Variants in ZC3HAV1 observed in about 807,000 individuals in gnomAD.
The protein encoded by ZC3HAV1 is zinc finger CCCH-type antiviral protein 1.
In ZC3HAV1, 41 loss-of-function variants were observed where a neutral mutation model predicts 86.6. The ratio of observed to expected loss-of-function variants is 0.47; its 90% CI spans 0.37 to 0.61. The LOEUF is 0.61. ZC3HAV1 is among the 20% of genes least tolerant of loss of function. The probability of loss-of-function intolerance (pLI) is 0.00; values close to 1 mark genes in which losing one functional copy is unlikely to be tolerated. For missense variants in ZC3HAV1, 964 were observed against 1,141.1 expected, an observed-to-expected ratio of 0.84 and a Z score of 2.24; for synonymous variants, 421 against 432.1, an observed-to-expected ratio of 0.97 and a Z score of 0.32.
intron 2 of ZC3HAV1, among the ~76,000 whole-genome samples, chr7:139,084,465 G>T (rs1817221063): frequency 6.6e-6 from 1 of 152,216 alleles, no homozygotes; most frequent in South Asian, 2.1e-4. Flanking sequence ...TCAAAAGATT[G>T]CCTAAAGAAG....
At chr7:139,081,051 T>A (rs1237344424) in intron 3 of ZC3HAV1, among the ~76,000 whole-genome samples, 1 of 152,128 alleles carries the variant, frequency 6.6e-6, no homozygotes, top group Middle Eastern at 3.2e-3. Context: ...TTGGCCTTCC[T>A]CTAGAAACTT....
In ZC3HAV1 at chr7:139,047,351, ATACAAC is replaced by A; in HGVS notation, c.*237_*242del. 5.2e-6 allele frequency: 2 copies of A among 381,164 alleles called. No individual in the cohort carries two copies. The highest frequency in any genetic ancestry group is 9.1e-6 in the Non-Finnish European group (2 of 218,644). The allele number at this position is 381,164 out of a possible 1,614,324, so 23.6% of individuals were successfully genotyped here. ...CTCAAAAAAAAAAAAAAAAAAAAAA[ATACAAC>A]TGCCTGGCGCTGACGCCCAGAAATG... On this transcript the variant is annotated 3_prime_UTR_variant, in exon 13 of 13. Coordinates refer to ENST00000242351, the MANE Select transcript of ZC3HAV1 (RefSeq NM_020119.4).
rs1010609093 is a variant in ZC3HAV1 at position 139,108,348 on chromosome 7, G to A, written c.308+676C>T. Among the ~76,000 whole-genome samples the A allele has an allele frequency of 1.3e-5, 2 of 152,008 alleles. No individual in the cohort carries two copies. The highest frequency in any genetic ancestry group is 4.8e-5 in the African/African-American group (2 of 41,380). On this transcript the variant is annotated intron_variant, in intron 1 of 12. Transcript: ENST00000242351. This position sits in a 1 kb window ranked among gnomAD's most constrained non-coding sequence, Gnocchi z 4.2. ...GCCACACTGCTTCAAAGGGATTTAA[G>A]AGAGTTGTCCCAAGGCAGGCGGTCA...
At chr7:139,094,514 A>C (rs1165674846) in intron 1 of ZC3HAV1, among the ~76,000 whole-genome samples, 2 of 151,558 alleles carry the variant, frequency 1.3e-5, no homozygotes, top group South Asian at 2.1e-4. Flanking sequence ...AAAAAAAAAA[A>C]CAGCAAAGAC....
At chr7:139,087,753 G>A (rs933968554) in intron 2 of ZC3HAV1, among the ~76,000 whole-genome samples, 6 of 152,086 alleles carry the variant, frequency 3.9e-5, no homozygotes, top group African/African-American at 1.4e-4. Context: ...TCTGAGCTGG[G>A]TGCAGTGGCT....
At chr7:139,073,663 G>A (rs543648256) in intron 7 of ZC3HAV1, among the ~76,000 whole-genome samples, 193 bp downstream of exon 7, 1 of 151,992 alleles carries the variant, frequency 6.6e-6, no homozygotes, top group Non-Finnish European at 1.5e-5. Flanking sequence ...GCTAATTTTT[G>A]TATTTTTAAT....
intron 1 of ZC3HAV1, among the ~76,000 whole-genome samples, chr7:139,095,391 G>A (rs1261901856): frequency 6.6e-6 from 1 of 152,146 alleles, no homozygotes; most frequent in Non-Finnish European, 1.5e-5. Flanking sequence ...ACATGAGCAG[G>A]GTAACGAAGG....
chr7:139,109,214 C>T lies in ZC3HAV1; in HGVS notation c.118G>A (p.Val40Met). ...CGGTCGGGCCCGGCCACCTGCAGCA[C>T]CTCACAGAGCTGCGGCTCAGACAGC... Reference protein sequence around the residue: ...IALSEPQLCEVLQVAGPDRFV... With the variant: ...IALSEPQLCEMLQVAGPDRFV... Residue 40 changes from valine to methionine, a missense_variant, in exon 1 of 13, where the codon GTG becomes ATG. Val to Met is a conservative substitution (Grantham distance 21, BLOSUM62 1). Coordinates refer to ENST00000242351, the MANE Select transcript of ZC3HAV1 (RefSeq NM_020119.4). 1 of 1,609,934 alleles carries T rather than the reference C, an allele frequency of 6.2e-7. No homozygotes were observed. The highest frequency in any genetic ancestry group is 1.1e-5 in the South Asian group (1 of 90,372).
chr7:139,083,253 G>C (rs922697883), intron 3 of ZC3HAV1, among the ~76,000 whole-genome samples: 17 of 144,650 alleles, frequency 1.2e-4, no homozygotes, highest in South Asian at 9.3e-4. Context: ...CCTGGGGGGG[G>C]GGGCAATAGT....
chr7:139,091,623 T>C (rs1817438212), intron 1 of ZC3HAV1, among the ~76,000 whole-genome samples: 1 of 152,124 alleles, frequency 6.6e-6, no homozygotes, highest in Non-Finnish European at 1.5e-5. Flanking sequence ...ATTAATGTTT[T>C]CTTTTCTTTT....
chr7:139,106,972 C>G (rs1464416893), intron 1 of ZC3HAV1, among the ~76,000 whole-genome samples: 1 of 151,386 alleles, frequency 6.6e-6, no homozygotes, highest in Non-Finnish European at 1.5e-5. Flanking sequence ...TTTTTTCTCT[C>G]TACTTTTGAG....
intron 1 of ZC3HAV1, among the ~76,000 whole-genome samples, chr7:139,102,194 C>T (rs1328845638): frequency 7.2e-5 from 11 of 152,112 alleles, no homozygotes; most frequent in Non-Finnish European, 1.0e-4. Context: ...AGGGCAGTGG[C>T]GCAACTGCAC....
Position 139,084,027 on chromosome 7 carries a change from G to A in ZC3HAV1, c.450C>T (p.Cys150=). The stretch of plus-strand genomic sequence containing the variant: ...GCCGACCCTCTCCCTTATAACTTTT[G>A]CATATCTACAGAAGGGAGAAACAAC... ...QSDPFFMPEI[C]KSYKGEGRQQ... Residue 150 remains cysteine, a synonymous_variant, in exon 3 of 13, where the codon TGC becomes TGT. Coordinates refer to ENST00000242351, the MANE Select transcript of ZC3HAV1 (RefSeq NM_020119.4). The A allele has an allele frequency of 6.2e-7, 1 of 1,613,562 alleles. No homozygotes were observed. Among genetic ancestry groups the A allele is most frequent in the South Asian group, 1.1e-5 (1 of 91,062 alleles).
chr7:139,091,804 A>G (rs897997778), intron 1 of ZC3HAV1, among the ~76,000 whole-genome samples: 4 of 152,022 alleles, frequency 2.6e-5, no homozygotes, highest in Admixed American at 2.6e-4. Context: ...TGAGCTGAAA[A>G]TGACCTCACT....
chr7:139,082,819 G>A (rs1817163366), intron 3 of ZC3HAV1, among the ~76,000 whole-genome samples: 1 of 152,008 alleles, frequency 6.6e-6, no homozygotes, highest in South Asian at 2.1e-4. Flanking sequence ...GCCAGGGGCT[G>A]GGGAAAGAAG....
At position 139,047,361 on chromosome 7, in the gene ZC3HAV1, C is replaced by T. The variant is rs5022943; in HGVS notation, c.*233G>A. 0.44 allele frequency: 208,152 copies of T among 470,566 alleles called. 50,014 individuals carry two copies. The highest frequency in any genetic ancestry group is 0.48 in the Non-Finnish European group (131,081 of 271,266). 29.1% of individuals were successfully genotyped at this position (470,566 alleles called of 1,614,324 possible). A position where few individuals can be genotyped will look rare whatever the true frequency, so the allele number is the denominator to read the frequency against. On this transcript the variant is annotated 3_prime_UTR_variant, in exon 13 of 13. Coordinates refer to ENST00000242351, the MANE Select transcript of ZC3HAV1 (RefSeq NM_020119.4). Reference sequence around the variant, plus strand: ...AAAAAAAAAAAAAAAATACAACTGCCTGGCGCTGACGCCCAGAAATGATTT... The same window carrying T: ...AAAAAAAAAAAAAAAATACAACTGCTTGGCGCTGACGCCCAGAAATGATTT...
chr7:139,047,436 A>G lies in ZC3HAV1; in HGVS notation c.*158T>C. ...CATCAGAATTTGTTTAAAACCTCCC[A>G]GATGATTCTAATATGTAGCAAAATT... On this transcript the variant is annotated 3_prime_UTR_variant, in exon 13 of 13. Coordinates refer to ENST00000242351, the MANE Select transcript of ZC3HAV1 (RefSeq NM_020119.4). 2 of 961,322 alleles carry G rather than the reference A, an allele frequency of 2.1e-6. No individual in the cohort carries two copies. The highest frequency in any genetic ancestry group is 3.2e-5 in the South Asian group (2 of 62,662). The allele number at this position is 961,322 out of a possible 1,614,324, so 59.5% of individuals were successfully genotyped here.
chr7:139,078,573 A>C lies in ZC3HAV1; in HGVS notation c.1552T>G (p.Cys518Gly). ...DSEEICLDHL[C>G]KGCPLNGSCS... is the part of the protein sequence containing the mutation. ...TCACCATTAAGCGGACAACCCTTAC[A>C]CAGATGGTCAAGACAAATTTCCTCT... The change falls in exon 5 of 13, where the codon TGT becomes GGT. Residue 518 changes from cysteine to glycine, a missense_variant. Coordinates refer to ENST00000242351, the MANE Select transcript of ZC3HAV1 (RefSeq NM_020119.4). 6.3e-7 allele frequency: 1 copy of C among 1,594,188 alleles called. No individual in the cohort carries two copies. Among genetic ancestry groups the C allele is most frequent in the Non-Finnish European group, 8.5e-7 (1 of 1,174,894 alleles).
In ZC3HAV1 at chr7:139,079,723, A is replaced by G; in HGVS notation, c.1218T>C (p.Leu406=). 6.2e-7 allele frequency: 1 copy of G among 1,614,190 alleles called. No individual in the cohort carries two copies. Among genetic ancestry groups the G allele is most frequent in the Non-Finnish European group, 8.5e-7 (1 of 1,180,030 alleles). The change falls in exon 4 of 13, where the codon CTT becomes CTC. Residue 406 remains leucine (L), a synonymous_variant. Coordinates refer to ENST00000242351, the MANE Select transcript of ZC3HAV1 (RefSeq NM_020119.4). ...CATTGATGATCCTGTAGTCTGAGGAAAGCAAGCCTGTGCCCTTTCTGGTGG... is the reference window on the plus strand; with the variant it reads ...CATTGATGATCCTGTAGTCTGAGGAGAGCAAGCCTGTGCCCTTTCTGGTGG... ...AVTTRKGTGL[L]SSDYRIINGK... is the part of the protein sequence containing the mutation.
Sources: gnomAD v4.1 joint callset for allele counts (sites outside exome capture counted in the v4.1 genomes callset) on GRCh38, gnomAD v4.1.1 for gene constraint, Gnocchi (gnomAD v3.1) non-coding constraint, MANE v1.5 for transcripts, NCBI Gene and HGNC (gene_info 2026-07-23, HGNC 2026-07-21) for gene names.